The following CNTN5 variants were observed in gnomAD, a reference collection of about 807,000 sequenced individuals.
CNTN5 encodes the protein contactin 5.
CNTN5 carries 77 observed loss-of-function variants against 129.1 expected under a neutral mutation model. The ratio of observed to expected loss-of-function variants is 0.60; its 90% CI spans 0.50 to 0.72. CNTN5 has a LOEUF of 0.72. Among genes scored for constraint, CNTN5 ranks in the 30% least tolerant of loss-of-function variants. The pLI is 0.00. For synonymous variants in CNTN5, 509 were observed against 465.6 expected, an observed-to-expected ratio of 1.09 and a Z score of -1.20; for missense variants, 1,478 against 1,328.8, an observed-to-expected ratio of 1.11 and a Z score of -1.75.
chr11:99,879,466 T>C (rs113212252), intron 6 of CNTN5, among the ~76,000 whole-genome samples: 3,348 of 152,342 alleles, frequency 0.022, 72 homozygotes, highest in Middle Eastern at 0.037. Context: ...ATTTTGAAAT[T>C]GGACAGAACA....
intron 13 of CNTN5, among the ~76,000 whole-genome samples, chr11:100,187,409 C>A (rs906546937): frequency 1.1e-5 from 1 of 92,318 alleles, no homozygotes; most frequent in African/African-American, 4.5e-5. Context: ...AAGCTGCCAA[C>A]GGTTTTTTTT....
chr11:99,992,922 G>A (rs1409287635), intron 8 of CNTN5, among the ~76,000 whole-genome samples: 1 of 152,102 alleles, frequency 6.6e-6, no homozygotes, highest in Non-Finnish European at 1.5e-5. Flanking sequence ...ACAGGTCTGG[G>A]GAAAGAAACG....
At chr11:99,158,337 G>A (rs995896859) in intron 1 of CNTN5, among the ~76,000 whole-genome samples, 3 of 152,138 alleles carry the variant, frequency 2.0e-5, no homozygotes, top group South Asian at 2.1e-4. Context: ...TGAAATGTTC[G>A]TGTCTTGGAT....
At chr11:99,705,769 A>G (rs1460420551) in intron 3 of CNTN5, among the ~76,000 whole-genome samples, 1 of 151,456 alleles carries the variant, frequency 6.6e-6, no homozygotes, top group Non-Finnish European at 1.5e-5. Context: ...GGGTTTGAAA[A>G]ACAGTTTTTA....
At chr11:99,768,782 CAG>C (rs1944844918) in intron 3 of CNTN5, among the ~76,000 whole-genome samples, 1 of 152,026 alleles carries the variant, frequency 6.6e-6, no homozygotes, top group African/African-American at 2.4e-5. Flanking sequence ...TAGGATCTGC[CAG>C]ACTTATTTAT....
Position 100,010,714 on chromosome 11 carries a change from C to T in CNTN5, c.980+8578C>T, listed in dbSNP as rs1459435164. Among the ~76,000 whole-genome samples the T allele has an allele frequency of 2.0e-5, 3 of 152,240 alleles. No individual in the cohort carries two copies. The East Asian group carries it at 5.8e-4, about 30-fold the overall frequency. On this transcript the variant is annotated intron_variant, in intron 9 of 24. Transcript: ENST00000524871. ...CATTTAAACAGTAGCACCAATTCCA[C>T]TTGACATTTTCAAACCCATCTCTTA...
chr11:99,541,474 G>A (rs1274512933), intron 2 of CNTN5, among the ~76,000 whole-genome samples: 1 of 152,124 alleles, frequency 6.6e-6, no homozygotes, highest in Non-Finnish European at 1.5e-5. Context: ...CCAAGAGAGA[G>A]TTAACAACTG....
intron 7 of CNTN5, among the ~76,000 whole-genome samples, chr11:99,927,010 A>G (rs1487770263): frequency 6.6e-6 from 1 of 152,184 alleles, no homozygotes; most frequent in East Asian, 1.9e-4. Context: ...TAATTGAGTG[A>G]GACTAATTTT....
intron 17 of CNTN5, 115 bp from the exon 18 acceptor site, chr11:100,270,977 G>A (rs1950397560): frequency 2.6e-5 from 21 of 804,102 alleles, no homozygotes; most frequent in Middle Eastern, 3.7e-4. Flanking sequence ...ACCACGTGTC[G>A]TGAGGAAATA....
intron 2 of CNTN5, among the ~76,000 whole-genome samples, chr11:99,407,529 G>A (rs1283671340): frequency 1.3e-5 from 2 of 152,100 alleles, no homozygotes; most frequent in Admixed American, 6.5e-5. Context: ...TTAGGAGAGG[G>A]GTGAGACAAG....
intron 1 of CNTN5, among the ~76,000 whole-genome samples, chr11:99,139,262 AC>A: frequency 6.6e-6 from 1 of 152,200 alleles, no homozygotes; most frequent in Non-Finnish European, 1.5e-5. Context: ...ACAGAATGTG[AC>A]CCCATATCAA....
chr11:99,553,984 A>T (rs1380773769), intron 2 of CNTN5, among the ~76,000 whole-genome samples: 2 of 148,562 alleles, frequency 1.3e-5, no homozygotes, highest in African/African-American at 2.5e-5. Context: ...ACACACACAC[A>T]CACACACACA....
intron 1 of CNTN5, among the ~76,000 whole-genome samples, chr11:99,296,668 A>G (rs1316266661): frequency 6.6e-6 from 1 of 152,210 alleles, no homozygotes; most frequent in African/African-American, 2.4e-5. Flanking sequence ...TTGGAAAAAC[A>G]GGGCCAGGAA....
At chr11:99,964,366 A>G (rs1951034348) in intron 8 of CNTN5, among the ~76,000 whole-genome samples, 1 of 152,094 alleles carries the variant, frequency 6.6e-6, no homozygotes, top group Non-Finnish European at 1.5e-5. Flanking sequence ...TTTTAGCATG[A>G]AGATTGTTGA....
chr11:99,611,603 T>C (rs1378230918), intron 3 of CNTN5, among the ~76,000 whole-genome samples: 1 of 152,180 alleles, frequency 6.6e-6, no homozygotes, highest in Non-Finnish European at 1.5e-5. Flanking sequence ...TTTAAATCAG[T>C]AGTCCTATTC....
chr11:99,251,735 G>A (rs1862115080), intron 1 of CNTN5, among the ~76,000 whole-genome samples: 1 of 151,838 alleles, frequency 6.6e-6, no homozygotes, highest in South Asian at 2.1e-4. Context: ...AAACACAGTA[G>A]GAATGGTAAC....
intron 13 of CNTN5, among the ~76,000 whole-genome samples, chr11:100,089,291 C>T (rs1303480652): frequency 6.6e-6 from 1 of 151,956 alleles, no homozygotes; most frequent in Non-Finnish European, 1.5e-5. Context: ...ATGCAGCCAA[C>T]AAACATATGC....
intron 1 of CNTN5, among the ~76,000 whole-genome samples, chr11:99,161,829 T>C (rs11218589): frequency 0.2 from 30,412 of 152,104 alleles, 3,224 homozygotes; most frequent in Middle Eastern, 0.27. Flanking sequence ...AACTTGCTAA[T>C]ATCATATTGC....
intron 13 of CNTN5, among the ~76,000 whole-genome samples, chr11:100,116,837 A>G (rs933368316): frequency 6.6e-6 from 1 of 152,040 alleles, no homozygotes; most frequent in African/African-American, 2.4e-5. Context: ...TAAACTTACT[A>G]TAAAGAGAAA....
Sources: gnomAD v4.1 joint callset for allele counts (sites outside exome capture counted in the v4.1 genomes callset) on GRCh38, gnomAD v4.1.1 for gene constraint, MANE v1.5 for transcripts, NCBI Gene and HGNC (gene_info 2026-07-23, HGNC 2026-07-21) for gene names.